The following STAT1 variants were observed in gnomAD, a reference collection of about 807,000 sequenced individuals.
STAT1 encodes signal transducer and activator of transcription 1-alpha/beta.
STAT1 carries 24 observed loss-of-function variants against 111.7 expected under a neutral mutation model. That is an observed-to-expected ratio of 0.21 (90% CI 0.16 to 0.30). The LOEUF (loss-of-function observed/expected upper bound fraction) is 0.30. Ranked by LOEUF, STAT1 falls within the 10% of genes least tolerant of loss-of-function variation. STAT1 has a pLI of 1.00. For synonymous variants in STAT1, 332 were observed against 326.5 expected, an observed-to-expected ratio of 1.02 and a Z score of -0.18; for missense variants, 351 against 911.9, an observed-to-expected ratio of 0.38 and a Z score of 7.92.
rs189207121 is a variant in STAT1, at chr2:190,990,596, G to A, written c.1037+632C>T. 6.3e-4 allele frequency among the ~76,000 whole-genome samples: 95 copies of A among 151,982 alleles called. No homozygotes were observed. Among genetic ancestry groups the A allele is most frequent in the Non-Finnish European group, 1.2e-3 (79 of 67,932 alleles). ...TTTAAAAAAGAAATATGTCATATTTGTGTGTGTGTGTGTCTCTATATGAAA... is the reference window on the plus strand; with the variant it reads ...TTTAAAAAAGAAATATGTCATATTTATGTGTGTGTGTGTCTCTATATGAAA... On this transcript the variant is annotated intron_variant, in intron 11 of 24. Coordinates refer to ENST00000361099, the MANE Select transcript of STAT1 (RefSeq NM_007315.4). The surrounding 1 kb of genome is among the most constrained non-coding windows in gnomAD (Gnocchi z 5.1).
chr2:190,978,973 G>T lies in STAT1; in HGVS notation c.1756C>A (p.Arg586=), dbSNP rs1315345636. 3 of 1,614,164 alleles carry T rather than the reference G, an allele frequency of 1.9e-6. No individual in the cohort carries two copies. The East Asian group carries it at 6.7e-5, about 36-fold the overall frequency. ...TGGTCCTTCAACAGGGCACGCTCTC[G>T]CTCCTTGCTGATGAAGCCCATGATG... The part of the protein sequence containing the change: ...GCIMGFISKE[R]ERALLKDQQP... Residue 586 remains arginine, a synonymous_variant, in exon 21 of 25, where the codon CGA becomes AGA. Transcript: ENST00000361099. The surrounding 1 kb of genome is among the most constrained non-coding windows in gnomAD (Gnocchi z 6.1).
At position 190,999,543 on chromosome 2, in the gene STAT1, A is replaced by G. The variant is rs1694103952; in HGVS notation, c.541+83T>C. 2.1e-6 allele frequency: 2 copies of G among 940,228 alleles called. No individual in the cohort carries two copies. Among genetic ancestry groups the G allele is most frequent in the Non-Finnish European group, 3.5e-6 (2 of 571,736 alleles). 58.2% of individuals were successfully genotyped at this position (940,228 alleles called of 1,614,324 possible). Reference sequence around the variant, plus strand: ...CAGAGTCATAAAATACTCGGCAAATAGAAAGGAGTAATCATCTTCGTTATC... The same window carrying G: ...CAGAGTCATAAAATACTCGGCAAATGGAAAGGAGTAATCATCTTCGTTATC... On this transcript the variant is annotated intron_variant, in intron 7 of 24. Transcript: ENST00000361099. This position sits in a 1 kb window ranked among gnomAD's most constrained non-coding sequence, Gnocchi z 4.1.
At position 190,979,283 on chromosome 2, in the gene STAT1, A is replaced by G. The variant is rs989633374; in HGVS notation, c.1728-282T>C. 2.0e-5 allele frequency among the ~76,000 whole-genome samples: 3 copies of G among 152,122 alleles called. No individual in the cohort carries two copies. Among genetic ancestry groups the G allele is most frequent in the African/African-American group, 7.2e-5 (3 of 41,424 alleles). On this transcript the variant is annotated intron_variant, in intron 20 of 24. Coordinates refer to ENST00000361099, the MANE Select transcript of STAT1 (RefSeq NM_007315.4). This position sits in a 1 kb window ranked among gnomAD's most constrained non-coding sequence, Gnocchi z 5.8. ...TTAATGAGCCTTTTATTGTTCCTTT[A>G]TTATTTTAAAGGCCATAACAATGTC...
At chr2:190,972,814 A>AGGGTGTGT (rs1553491638) in intron 24 of STAT1, among the ~76,000 whole-genome samples, 19 of 108,488 alleles carry the variant, frequency 1.8e-4, no homozygotes, top group African/African-American at 5.9e-4. Flanking sequence ...TGGTGTATAG[A>AGGGTGTGT]GGGTGTGTGT....
chr2:190,986,843 G>T lies in STAT1; in HGVS notation c.1221+11C>A, dbSNP rs1033197461. 3.1e-6 allele frequency: 5 copies of T among 1,612,624 alleles called. No individual in the cohort carries two copies. The highest frequency in any genetic ancestry group is 4.2e-6 in the Non-Finnish European group (5 of 1,178,726). On this transcript the variant is annotated intron_variant, in intron 14 of 24. Coordinates refer to ENST00000361099, the MANE Select transcript of STAT1 (RefSeq NM_007315.4). The surrounding 1 kb of genome is among the most constrained non-coding windows in gnomAD (Gnocchi z 5.0). Reference sequence around the variant, plus strand: ...CCAGAGACAACATAGAGAGGAAACTGATGTCCCTACCAGGTGCCGAAATTC... The same window carrying T: ...CCAGAGACAACATAGAGAGGAAACTTATGTCCCTACCAGGTGCCGAAATTC...
Position 190,999,209 on chromosome 2 carries a change from G to C in STAT1, c.541+417C>G, listed in dbSNP as rs1010230475. 1.3e-5 allele frequency among the ~76,000 whole-genome samples: 2 copies of C among 152,156 alleles called. No individual in the cohort carries two copies. Among genetic ancestry groups the C allele is most frequent in the African/African-American group, 4.8e-5 (2 of 41,432 alleles). On this transcript the variant is annotated intron_variant, in intron 7 of 24. Transcript: ENST00000361099. This position sits in a 1 kb window ranked among gnomAD's most constrained non-coding sequence, Gnocchi z 4.1. ...AAGAAACCTGAGATATTAGGGCAGGGGAACTCCACATATCTATCGCTCTGT... is the reference window on the plus strand; with the variant it reads ...AAGAAACCTGAGATATTAGGGCAGGCGAACTCCACATATCTATCGCTCTGT...
intron 24 of STAT1, among the ~76,000 whole-genome samples, chr2:190,972,816 G>GGTGTGTGTGTGTGT (rs34975356): frequency 2.0e-4 from 27 of 136,418 alleles, no homozygotes; most frequent in East Asian, 1.3e-3. Flanking sequence ...GTGTATAGAG[G>GGTGTGTGTGTGTGT]GTGTGTGTGT....
In STAT1 at chr2:190,975,513, G is replaced by T; in HGVS notation, c.2135+299C>A. The T allele has an allele frequency of 8.2e-7, 1 of 1,218,342 alleles. No homozygotes were observed. The highest frequency in any genetic ancestry group is 1.1e-6 in the Non-Finnish European group (1 of 903,638). The allele number at this position is 1,218,342 out of a possible 1,614,324, so 75.5% of individuals were successfully genotyped here. On this transcript the variant is annotated intron_variant, in intron 23 of 24. Transcript: ENST00000361099. This position sits in a 1 kb window ranked among gnomAD's most constrained non-coding sequence, Gnocchi z 5.9. ...TCATTACTTTGGCCTTTTCTAGATT[G>T]AAAAGAACTACTTTCCCACTCTGAT...
rs1198902873 is a variant in STAT1 at position 190,994,941 on chromosome 2, T to A, written c.944+120A>T. On this transcript the variant is annotated intron_variant, in intron 10 of 24. Coordinates refer to ENST00000361099, the MANE Select transcript of STAT1 (RefSeq NM_007315.4). ...AAAAAAAAAAAAATATATATATATA[T>A]ATATATATATATATATAAAAAACAC... The A allele has an allele frequency of 1.7e-3, 343 of 204,712 alleles. 6 individuals are homozygous for A. The highest frequency in any genetic ancestry group is 9.4e-3 in the African/African-American group (297 of 31,706). 12.7% of individuals were successfully genotyped at this position (204,712 alleles called of 1,614,324 possible).
In STAT1 at chr2:190,971,459, C is replaced by T. The variant is rs1213929315; in HGVS notation, c.2239-742G>A. ...GCCAGAGGTGTTGCTGAACCTCCTA[C>T]GAAGCACAGGAAAGCTCCCCACCCC... On this transcript the variant is annotated intron_variant, in intron 24 of 24. Coordinates refer to ENST00000361099, the MANE Select transcript of STAT1 (RefSeq NM_007315.4). The surrounding 1 kb of genome is among the most constrained non-coding windows in gnomAD (Gnocchi z 4.1). Among the ~76,000 whole-genome samples the T allele has an allele frequency of 2.6e-5, 4 of 152,054 alleles. No homozygotes were observed. Among genetic ancestry groups the T allele is most frequent in the African/African-American group, 4.8e-5 (2 of 41,394 alleles).
chr2:190,983,394 T>A lies in STAT1; in HGVS notation c.1446+248A>T, dbSNP rs1692534233. On this transcript the variant is annotated intron_variant, in intron 17 of 24. Transcript: ENST00000361099. The surrounding 1 kb of genome is among the most constrained non-coding windows in gnomAD (Gnocchi z 5.7). Reference sequence around the variant, plus strand: ...GTAGATGTATACATTTTAAAAATAATAACAATAAAGTGGTATGGAATCACT... The same window carrying A: ...GTAGATGTATACATTTTAAAAATAAAAACAATAAAGTGGTATGGAATCACT... Among the ~76,000 whole-genome samples the A allele has an allele frequency of 6.6e-6, 1 of 152,148 alleles. No homozygotes were observed. The highest frequency in any genetic ancestry group is 1.5e-5 in the Non-Finnish European group (1 of 68,004).
chr2:190,991,682 G>A (rs1693347012), intron 10 of STAT1, among the ~76,000 whole-genome samples: 1 of 151,510 alleles, frequency 6.6e-6, no homozygotes, highest in South Asian at 2.1e-4. Flanking sequence ...AACATAGTGA[G>A]ACCGTATCTT....
chr2:190,986,961 G>T lies in STAT1; in HGVS notation c.1128-14C>A. On this transcript the variant is annotated splice_polypyrimidine_tract_variant and intron_variant, in intron 13 of 24. Coordinates refer to ENST00000361099, the MANE Select transcript of STAT1 (RefSeq NM_007315.4). This position sits in a 1 kb window ranked among gnomAD's most constrained non-coding sequence, Gnocchi z 5.0. ...AACTTCCTAAATCTATACAATATAG[G>T]AAAGAAATGCTGAAAAGTCTTCCAA... 4 of 1,613,684 alleles carry T rather than the reference G, an allele frequency of 2.5e-6. No individual in the cohort carries two copies. The highest frequency in any genetic ancestry group is 3.4e-6 in the Non-Finnish European group (4 of 1,179,644).
Position 191,007,719 on chromosome 2 carries a change from T to C in STAT1, c.274-58A>G. On this transcript the variant is annotated intron_variant, in intron 4 of 24. Coordinates refer to ENST00000361099, the MANE Select transcript of STAT1 (RefSeq NM_007315.4). The surrounding 1 kb of genome is among the most constrained non-coding windows in gnomAD (Gnocchi z 4.2). ...AAAATGCAGAATGTTTACTTTATTG[T>C]GTATTGTAAGTTGATATGAATTTGT... is the stretch of plus-strand genomic sequence containing the variant. The C allele has an allele frequency of 7.8e-7, 1 of 1,276,114 alleles. No homozygotes were observed. Among genetic ancestry groups the C allele is most frequent in the Non-Finnish European group, 1.1e-6 (1 of 877,180 alleles). The allele number at this position is 1,276,114 out of a possible 1,614,324, so 79.0% of individuals were successfully genotyped here.
chr2:190,983,178 T>C lies in STAT1; in HGVS notation c.1446+464A>G, dbSNP rs536147905. On this transcript the variant is annotated intron_variant, in intron 17 of 24. Coordinates refer to ENST00000361099, the MANE Select transcript of STAT1 (RefSeq NM_007315.4). This position sits in a 1 kb window ranked among gnomAD's most constrained non-coding sequence, Gnocchi z 5.7. ...ATAAACAATGTTATGCATTGATGGG[T>C]TGACAAAAATGTTGTGACCAGAGGC... 5.9e-5 allele frequency among the ~76,000 whole-genome samples: 9 copies of C among 152,318 alleles called. No homozygotes were observed. The highest frequency in any genetic ancestry group is 5.8e-4 in the East Asian group (3 of 5,188).
Position 190,980,735 on chromosome 2 carries a change from T to C in STAT1, c.1583-66A>G. 1.3e-6 allele frequency: 2 copies of C among 1,509,090 alleles called. No individual in the cohort carries two copies. The highest frequency in any genetic ancestry group is 1.8e-6 in the Non-Finnish European group (2 of 1,085,910). 93.5% of individuals were successfully genotyped at this position (1,509,090 alleles called of 1,614,324 possible). A position where few individuals can be genotyped will look rare whatever the true frequency, so the allele number is the denominator to read the frequency against. ...GATTCTAAAGCTTTGGTTGGACGGATGGCTCTTGTATTTGCTCTCAAGGAA... is the reference window on the plus strand; with the variant it reads ...GATTCTAAAGCTTTGGTTGGACGGACGGCTCTTGTATTTGCTCTCAAGGAA... On this transcript the variant is annotated intron_variant, in intron 18 of 24. Transcript: ENST00000361099. The surrounding 1 kb of genome is among the most constrained non-coding windows in gnomAD (Gnocchi z 6.1).
chr2:190,974,745 G>C lies in STAT1; in HGVS notation c.2238+85C>G. The C allele has an allele frequency of 8.1e-7, 1 of 1,231,586 alleles. No homozygotes were observed. Among genetic ancestry groups the C allele is most frequent in the Non-Finnish European group, 1.2e-6 (1 of 835,822 alleles). 76.3% of individuals were successfully genotyped at this position (1,231,586 alleles called of 1,614,324 possible). A position where few individuals can be genotyped will look rare whatever the true frequency, so the allele number is the denominator to read the frequency against. ...CCGCCAGGGCTCCCTCCCGCAGACA[G>C]GCCCGGGATCTGCCATGGTGCGCTC... On this transcript the variant is annotated intron_variant, in intron 24 of 24. Transcript: ENST00000361099. The surrounding 1 kb of genome is among the most constrained non-coding windows in gnomAD (Gnocchi z 4.8).
In STAT1 at chr2:190,985,669, CA is replaced by C; in HGVS notation, c.1222-10del. The stretch of plus-strand genomic sequence containing the variant: ...TTCTGTTCTTTCAATTGCTATAAAA[CA>C]AATAATCATCTTAGTAAACACCATG... On this transcript the variant is annotated splice_polypyrimidine_tract_variant and intron_variant, in intron 14 of 24. Transcript: ENST00000361099. The C allele has an allele frequency of 6.2e-7, 1 of 1,613,996 alleles. No individual in the cohort carries two copies. Among genetic ancestry groups the C allele is most frequent in the Non-Finnish European group, 8.5e-7 (1 of 1,179,844 alleles).
chr2:190,995,627 G>C lies in STAT1; in HGVS notation c.786-408C>G, dbSNP rs1324631100. Among the ~76,000 whole-genome samples the C allele has an allele frequency of 6.6e-6, 1 of 152,140 alleles. No homozygotes were observed. Among genetic ancestry groups the C allele is most frequent in the Admixed American group, 6.5e-5 (1 of 15,280 alleles). On this transcript the variant is annotated intron_variant, in intron 9 of 24. Coordinates refer to ENST00000361099, the MANE Select transcript of STAT1 (RefSeq NM_007315.4). This position sits in a 1 kb window ranked among gnomAD's most constrained non-coding sequence, Gnocchi z 4.2. ...TACAATTCAAGGTGAGATTTGGGTG[G>C]GGACACGGCCAAACCATATGGCATG...
Sources: gnomAD v4.1 joint callset for allele counts (sites outside exome capture counted in the v4.1 genomes callset) on GRCh38, gnomAD v4.1.1 for gene constraint, Gnocchi (gnomAD v3.1) non-coding constraint, MANE v1.5 for transcripts, NCBI Gene and HGNC (gene_info 2026-07-23, HGNC 2026-07-21) for gene names.